FGF14: variants seen among roughly 807,000 people sequenced by gnomAD.
The protein encoded by FGF14 is fibroblast growth factor homologous factor 4.
In FGF14, 5 loss-of-function variants were observed where a neutral mutation model predicts 25.5. The ratio of observed to expected loss-of-function variants is 0.20; its 90% CI spans 0.10 to 0.41. The LOEUF is 0.41. Ranked by LOEUF, FGF14 falls within the 10% of genes least tolerant of loss-of-function variation. The probability of loss-of-function intolerance (pLI) is 1.00; values close to 1 mark genes in which losing one functional copy is unlikely to be tolerated. For missense variants in FGF14, 222 were observed against 320.1 expected (o/e 0.69, Z 2.34); for synonymous variants, 138 against 118.3 (o/e 1.17, Z -1.08).
chr13:102,089,254 G>A (rs2044064238), intron 1 of FGF14, among the ~76,000 whole-genome samples: 1 of 152,142 alleles, frequency 6.6e-6, no homozygotes, highest in Non-Finnish European at 1.5e-5. Flanking sequence ...TGAGGTCAAG[G>A]AGAAATTGTT....
intron 1 of FGF14, among the ~76,000 whole-genome samples, chr13:102,169,074 G>T (rs1452343369): frequency 6.6e-6 from 1 of 151,318 alleles, no homozygotes; most frequent in Non-Finnish European, 1.5e-5. Context: ...TTCTGTCATT[G>T]ATCCCAGATC....
intron 1 of FGF14, among the ~76,000 whole-genome samples, chr13:102,313,269 ACAGGGAAAGCAGC>A (rs1328765437): frequency 2.6e-5 from 4 of 152,202 alleles, no homozygotes; most frequent in Admixed American, 6.5e-5. Flanking sequence ...GCACTCACAC[ACAGGGAAAGCAGC>A]CGTGGAAATA....
chr13:101,806,019 A>G (rs2041177312), intron 3 of FGF14, among the ~76,000 whole-genome samples: 1 of 152,008 alleles, frequency 6.6e-6, no homozygotes, highest in African/African-American at 2.4e-5. Context: ...TCATTATTGT[A>G]TATGGAACAT....
chr13:102,099,263 A>G (rs576869229), intron 1 of FGF14, among the ~76,000 whole-genome samples: 59 of 152,216 alleles, frequency 3.9e-4, no homozygotes, highest in Non-Finnish European at 1.2e-4. Flanking sequence ...ATATTTTACA[A>G]GGGCCAAAAT....
chr13:102,338,656 C>A (rs2056858608), intron 1 of FGF14, among the ~76,000 whole-genome samples: 1 of 152,044 alleles, frequency 6.6e-6, no homozygotes, highest in Non-Finnish European at 1.5e-5. Context: ...TCATTGATAT[C>A]ATCAAAGATG....
chr13:101,925,470 C>T (rs72662442), intron 1 of FGF14, among the ~76,000 whole-genome samples: 271 of 152,296 alleles, frequency 1.8e-3, no homozygotes, highest in Non-Finnish European at 2.9e-3. Context: ...CTTCAGTGTG[C>T]AGGGTTTCAG....
intron 3 of FGF14, among the ~76,000 whole-genome samples, chr13:101,831,055 G>C (rs1312467129): frequency 6.6e-6 from 1 of 151,976 alleles, no homozygotes; most frequent in African/African-American, 2.4e-5. Context: ...TACATATGCT[G>C]TATCTCTTTT....
intron 1 of FGF14, among the ~76,000 whole-genome samples, chr13:102,012,194 A>G (rs2040116716): frequency 1.3e-5 from 2 of 152,134 alleles, no homozygotes. Context: ...AAATGGACAG[A>G]AGAGAAGGAG....
At chr13:102,205,489 G>A (rs2049863978) in intron 1 of FGF14, among the ~76,000 whole-genome samples, 1 of 152,060 alleles carries the variant, frequency 6.6e-6, no homozygotes, top group African/African-American at 2.4e-5. Flanking sequence ...CATTACACAT[G>A]TCATAGATAT....
intron 4 of FGF14, 68 bp from the exon 5 acceptor site, chr13:101,723,035 A>C: frequency 6.3e-7 from 1 of 1,584,532 alleles, no homozygotes; most frequent in Non-Finnish European, 8.7e-7. Flanking sequence ...TGGTCCATCC[A>C]TACCTGCATA....
intron 3 of FGF14, among the ~76,000 whole-genome samples, chr13:101,789,407 T>G (rs1336627148): frequency 1.3e-5 from 2 of 152,160 alleles, no homozygotes; most frequent in Non-Finnish European, 2.9e-5. Flanking sequence ...TCCAGGTTAG[T>G]CCTGTGAGAT....
intron 1 of FGF14, among the ~76,000 whole-genome samples, chr13:101,970,770 A>G (rs2037542955): frequency 6.6e-6 from 1 of 152,206 alleles, no homozygotes; most frequent in African/African-American, 2.4e-5. Context: ...CAGACTTTTC[A>G]TCTATTCTTC....
chr13:101,967,834 C>A (rs1185172083), intron 1 of FGF14: 1 of 153,320 alleles, frequency 6.5e-6, no homozygotes, highest in Non-Finnish European at 1.5e-5. Context: ...CATTAAACAC[C>A]CAATAAATTC....
intron 3 of FGF14, among the ~76,000 whole-genome samples, chr13:101,755,530 C>G (rs1005321176): frequency 1.1e-4 from 16 of 152,026 alleles, no homozygotes; most frequent in Non-Finnish European, 1.5e-5. Context: ...AAATAATGAT[C>G]AAAAGAGTTG....
chr13:102,201,907 G>C (rs1258244037), intron 1 of FGF14, among the ~76,000 whole-genome samples: 1 of 152,134 alleles, frequency 6.6e-6, no homozygotes, highest in Non-Finnish European at 1.5e-5. Flanking sequence ...TCTCCCGTTG[G>C]ATTATAATCC....
intron 1 of FGF14, chr13:102,293,310 G>C (rs997209653): frequency 5.9e-5 from 9 of 152,234 alleles, no homozygotes; most frequent in African/African-American, 2.2e-4. Context: ...GAAATTTGCT[G>C]ATAGATGCAG....
chr13:102,294,495 A>C (rs1439925542), intron 1 of FGF14, among the ~76,000 whole-genome samples: 1 of 152,120 alleles, frequency 6.6e-6, no homozygotes, highest in Non-Finnish European at 1.5e-5. Context: ...TAATATCAGC[A>C]GGGAATTTAT....
chr13:102,331,555 C>G (rs2056632952), intron 1 of FGF14, among the ~76,000 whole-genome samples: 1 of 152,122 alleles, frequency 6.6e-6, no homozygotes, highest in Non-Finnish European at 1.5e-5. Context: ...AAAATGTCAA[C>G]ATCTGATTAA....
chr13:101,727,086 A>G (rs1314992388), intron 3 of FGF14, among the ~76,000 whole-genome samples: 3 of 152,164 alleles, frequency 2.0e-5, no homozygotes, highest in Non-Finnish European at 4.4e-5. Flanking sequence ...ACAGAAGACA[A>G]TTCAACCAGA....
Sources: allele counts gnomAD v4.1 joint callset (sites outside exome capture counted in the v4.1 genomes callset), GRCh38; gene constraint gnomAD v4.1.1; transcripts MANE v1.5; gene names NCBI Gene and HGNC (gene_info 2026-07-23, HGNC 2026-07-21).